Variants in PSEN2 observed in about 807,000 individuals in gnomAD.
PSEN2 encodes the protein presenilin 2.
A neutral mutation model predicts 49.1 loss-of-function variants in PSEN2; 32 were observed. The observed-to-expected ratio is 0.65, with a 90% CI of 0.49 to 0.88. The LOEUF (loss-of-function observed/expected upper bound fraction) is 0.88, where lower values mean the gene tolerates loss of function less well. PSEN2 is among the 40% of genes least tolerant of loss of function. PSEN2 has a pLI of 0.00. For missense variants in PSEN2, 522 were observed against 586.9 expected (o/e 0.89, Z 1.14); for synonymous variants, 255 against 244.0 (o/e 1.05, Z -0.42).
In PSEN2 at chr1:226,871,322, C is replaced by CAGAA. The variant is rs1481793672; in HGVS notation, c.-288_-285dup. Reference sequence around the variant, plus strand: ...CTTTTGGAGCTGAAGGAACCTGAGACAGAAGCTAGTCCCCCCTCTGAATTT... The same window carrying CAGAA: ...CTTTTGGAGCTGAAGGAACCTGAGACAGAAAGAAGCTAGTCCCCCCTCTGAATTT... On this transcript the variant is annotated 5_prime_UTR_variant, in exon 2 of 13. Coordinates refer to ENST00000366783, the MANE Select transcript of PSEN2 (RefSeq NM_000447.3). The CAGAA allele has an allele frequency of 2.0e-5, 3 of 152,304 alleles. No homozygotes were observed. Among genetic ancestry groups the CAGAA allele is most frequent in the Admixed American group, 2.0e-4 (3 of 15,286 alleles). 9.4% of individuals were successfully genotyped at this position (152,304 alleles called of 1,614,324 possible).
chr1:226,877,848 G>A (rs1660730796), intron 3 of PSEN2, among the ~76,000 whole-genome samples: 1 of 152,190 alleles, frequency 6.6e-6, no homozygotes, highest in Non-Finnish European at 1.5e-5. Flanking sequence ...CTGAAGACAT[G>A]TCAGGTCTTG....
chr1:226,892,983 A>G (rs1661862273), intron 11 of PSEN2, among the ~76,000 whole-genome samples: 1 of 152,184 alleles, frequency 6.6e-6, no homozygotes, highest in East Asian at 1.9e-4. Flanking sequence ...CCCAGGCTGG[A>G]GTGCAGTAGC....
At chr1:226,872,369 T>C (rs1304567197) in intron 2 of PSEN2, among the ~76,000 whole-genome samples, 1 of 152,206 alleles carries the variant, frequency 6.6e-6, no homozygotes, top group South Asian at 2.1e-4. Flanking sequence ...ACTGAAATAG[T>C]TTATTATTAC....
intron 3 of PSEN2, chr1:226,880,378 G>C: frequency 1.5e-6 from 1 of 650,934 alleles, no homozygotes; most frequent in Non-Finnish European, 2.3e-6. Context: ...CCTGTCTCTA[G>C]AAATAAAAAT....
At chr1:226,883,976 G>A in intron 5 of PSEN2, 57 bp downstream of exon 5, 1 of 1,271,728 alleles carries the variant, frequency 7.9e-7, no homozygotes, top group Non-Finnish European at 1.1e-6. Context: ...GCCAGGGGGT[G>A]GGGGGCGCAG....
chr1:226,900,036 G>A (rs913007167), downstream of PSEN2, among the ~76,000 whole-genome samples: 9 of 152,194 alleles, frequency 5.9e-5, no homozygotes, highest in African/African-American at 1.7e-4. Context: ...TGGTTATGGC[G>A]TGTCTTTTGG....
Position 226,895,957 on chromosome 1 carries a change from G to C in PSEN2, c.*378G>C, listed in dbSNP as rs200173939. The C allele has an allele frequency of 1.7e-4, 59 of 354,660 alleles. No homozygotes were observed. Among genetic ancestry groups the C allele is most frequent in the Non-Finnish European group, 2.7e-4 (50 of 187,786 alleles). The allele number at this position is 354,660 out of a possible 1,614,324, so 22.0% of individuals were successfully genotyped here. A position where few individuals can be genotyped will look rare whatever the true frequency, so the allele number is the denominator to read the frequency against. On this transcript the variant is annotated 3_prime_UTR_variant, in exon 13 of 13. Coordinates refer to ENST00000366783, the MANE Select transcript of PSEN2 (RefSeq NM_000447.3). Reference sequence around the variant, plus strand: ...TGGAGAGGAAAAGCCAGTTCCCTACGAGGAGTGTTCCCAATGCTTTGTCCA... The same window carrying C: ...TGGAGAGGAAAAGCCAGTTCCCTACCAGGAGTGTTCCCAATGCTTTGTCCA...
intron 2 of PSEN2, among the ~76,000 whole-genome samples, 186 bp downstream of exon 2, chr1:226,871,590 G>C (rs763644921): frequency 2.6e-5 from 4 of 152,216 alleles, no homozygotes; most frequent in Non-Finnish European, 5.9e-5. Flanking sequence ...GCATTCCATA[G>C]AGACGATTGT....
chr1:226,876,806 T>C (rs1440739826), intron 3 of PSEN2, among the ~76,000 whole-genome samples: 1 of 152,218 alleles, frequency 6.6e-6, no homozygotes, highest in Non-Finnish European at 1.5e-5. Flanking sequence ...AAAGGTATGC[T>C]GTGTTTAAAG....
At chr1:226,902,676 T>A (rs968842809) in intron 12 of PSEN2, among the ~76,000 whole-genome samples, 1 of 152,228 alleles carries the variant, frequency 6.6e-6, no homozygotes, top group South Asian at 2.1e-4. Context: ...CAGCAGTCCC[T>A]CTCTGAGGCC....
rs772626008 is a variant in PSEN2, at chr1:226,891,279, T to C, written c.888T>C (p.Ser296=). 3.1e-6 allele frequency: 5 copies of C among 1,613,718 alleles called. No individual in the cohort carries two copies. Among genetic ancestry groups the C allele is most frequent in the South Asian group, 1.1e-5 (1 of 90,928 alleles). Residue 296 remains serine, a splice_region_variant and synonymous_variant, in exon 10 of 13, where the codon TCT becomes TCC. Transcript: ENST00000366783. ...EPIFPALIYS[S]AMVWTVGMAK... Reference sequence around the variant, plus strand: ...TGTGAACCTTTTCTCCTCCCCCAGCTGCCATGGTGTGGACGGTTGGCATGG... The same window carrying C: ...TGTGAACCTTTTCTCCTCCCCCAGCCGCCATGGTGTGGACGGTTGGCATGG...
intron 3 of PSEN2, among the ~76,000 whole-genome samples, chr1:226,880,270 A>T (rs1280441993): frequency 6.6e-6 from 1 of 151,932 alleles, no homozygotes; most frequent in African/African-American, 2.4e-5. Context: ...CTAGCTACTG[A>T]GGAGGCTGAA....
At position 226,873,820 on chromosome 1, in the gene PSEN2, C is replaced by A. The variant is rs1427568822; in HGVS notation, c.-206-1545C>A. 2.0e-5 allele frequency among the ~76,000 whole-genome samples: 3 copies of A among 152,174 alleles called. No individual in the cohort carries two copies. The East Asian group carries it at 5.8e-4, about 29-fold the overall frequency. ...GAACCGTAGGTGAAGTTTGTGTATC[C>A]TGTTTTTTCTGTTATGCCTTCAGAA... is the stretch of plus-strand genomic sequence containing the variant. On this transcript the variant is annotated intron_variant, in intron 2 of 12. Transcript: ENST00000366783.
At chr1:226,901,207 G>T (rs1662304489), downstream of PSEN2, among the ~76,000 whole-genome samples, 1 of 152,116 alleles carries the variant, frequency 6.6e-6, no homozygotes. Flanking sequence ...AGGCCGAGGT[G>T]GGCGGGTCAC....
chr1:226,889,148 A>C (rs772186787), intron 8 of PSEN2, 99 bp downstream of exon 8: 1 of 1,139,482 alleles, frequency 8.8e-7, no homozygotes, highest in Non-Finnish European at 1.3e-6. Flanking sequence ...AAGGGCTTGC[A>C]TCCCTTTCTG....
Position 226,891,350 on chromosome 1 carries a change from AC to A in PSEN2, c.962del (p.Pro321ArgfsTer24). ...CAGGGTGCCCTCCAGCTCCCCTACG[AC>A]CCGGAGATGGGTGAGTATCTTGGGG... The part of the protein sequence containing the change: ...SSQGALQLPY[D>X]PEMEEDSYDS... On this transcript the variant is annotated frameshift_variant, in exon 10 of 13. Transcript: ENST00000366783. LOFTEE classifies it high-confidence loss of function. 6.2e-7 allele frequency: 1 copy of A among 1,612,550 alleles called. No homozygotes were observed. The highest frequency in any genetic ancestry group is 8.5e-7 in the Non-Finnish European group (1 of 1,179,536).
chr1:226,902,298 G>A (rs990880280), intron 12 of PSEN2, among the ~76,000 whole-genome samples: 5 of 152,138 alleles, frequency 3.3e-5, no homozygotes, highest in African/African-American at 4.8e-5. Context: ...CATCTCCACC[G>A]CTTACCACCT....
At chr1:226,891,942 G>C in intron 11 of PSEN2, 98 bp downstream of exon 11, 1 of 1,131,160 alleles carries the variant, frequency 8.8e-7, no homozygotes, top group Non-Finnish European at 1.3e-6. Context: ...AGGGCATGAG[G>C]GGAGGGGCCC....
intron 4 of PSEN2, 75 bp from the exon 5 acceptor site, chr1:226,883,630 C>T: frequency 1.4e-6 from 2 of 1,396,938 alleles, no homozygotes; most frequent in South Asian, 1.2e-5. Context: ...ATTTCTGGTT[C>T]CAAAAATCCG....
Sources: gnomAD v4.1 joint callset for allele counts (sites outside exome capture counted in the v4.1 genomes callset) on GRCh38, gnomAD v4.1.1 for gene constraint, MANE v1.5 for transcripts, NCBI Gene and HGNC (gene_info 2026-07-23, HGNC 2026-07-21) for gene names.